KIFC2: variants seen among roughly 807,000 people sequenced by gnomAD.
KIFC2 encodes kinesin-like protein KIFC2.
KIFC2 carries 94 observed loss-of-function variants against 91.5 expected under a neutral mutation model. The observed-to-expected ratio is 1.03, with a 90% CI of 0.87 to 1.22. KIFC2 has a LOEUF of 1.22. Among genes scored for constraint, KIFC2 ranks in the 50% most tolerant of loss-of-function variants. The probability of loss-of-function intolerance (pLI) is 0.00; values close to 1 mark genes in which losing one functional copy is unlikely to be tolerated. For synonymous variants in KIFC2, 729 were observed against 503.9 expected (o/e 1.45, Z -5.98); for missense variants, 1,357 against 1,103.3 (o/e 1.23, Z -3.26).
Position 144,468,350 on chromosome 8 carries a change from G to A in KIFC2, c.832G>A (p.Glu278Lys). ...APQEEAEALL[E>K]LQGRLQEAQD... ...GCAGGAGGAGGCAGAGGCATTGCTA[G>A]AGCTCCAGGGCCGGCTTCAGGAGGC... The change falls in exon 8 of 18, where the codon GAG (glutamate) becomes AAG (lysine). Residue 278 changes from glutamate to lysine, a missense_variant. Transcript: ENST00000645548. 1 of 1,612,560 alleles carries A rather than the reference G, an allele frequency of 6.2e-7. No individual in the cohort carries two copies. The highest frequency in any genetic ancestry group is 8.5e-7 in the Non-Finnish European group (1 of 1,179,716).
rs866416910 is a variant in KIFC2 at position 144,473,155 on chromosome 8, C to T, written c.2142C>T (p.Leu714=). ...AGATCTCCACGCGGCCGGAGGATCT[C>T]GGGGAGACAGTCTGCTCCCTCAAGT... ...LLQISTRPED[L]GETVCSLKFA... The change falls in exon 18 of 18, where the codon CTC becomes CTT. Residue 714 remains leucine (L), a synonymous_variant. Transcript: ENST00000645548. 21 of 1,569,804 alleles carry T rather than the reference C, an allele frequency of 1.3e-5. No homozygotes were observed. Among genetic ancestry groups the T allele is most frequent in the Admixed American group, 1.8e-5 (1 of 54,162 alleles).
chr8:144,469,189 G>C (rs1824822998), intron 10 of KIFC2, 82 bp from the exon 11 acceptor site: 2 of 1,184,582 alleles, frequency 1.7e-6, no homozygotes, highest in Non-Finnish European at 2.4e-6. Context: ...GGGGCTCCCT[G>C]CTGCTCTCAG....
chr8:144,467,809 G>A (rs748702956), intron 6 of KIFC2, 30 bp downstream of exon 6: 2 of 1,613,444 alleles, frequency 1.2e-6, no homozygotes, highest in East Asian at 2.2e-5. Context: ...TGGCAGGGCC[G>A]GGCATGGAGG....
Position 144,473,289 on chromosome 8 carries a change from C to T in KIFC2, c.2276C>T (p.Thr759Ile), listed in dbSNP as rs759662417. The T allele has an allele frequency of 3.2e-5, 52 of 1,605,284 alleles. No individual in the cohort carries two copies. Among genetic ancestry groups the T allele is most frequent in the East Asian group, 4.5e-5 (2 of 44,496 alleles). The change falls in exon 18 of 18, where the codon ACC becomes ATC. Residue 759 changes from threonine to isoleucine, a missense_variant. Thr to Ile is a moderately conservative substitution (Grantham distance 89, BLOSUM62 -1). Coordinates refer to ENST00000645548, the MANE Select transcript of KIFC2 (RefSeq NM_001369769.2). ...AGCACCGACACTCCGCTCACCGGGA[C>T]CCCCTGCACCCCTACGCCGTCCCCT... ...SLSTDTPLTG[T>I]PCTPTPSPGS... is the part of the protein sequence containing the mutation.
intron 7 of KIFC2, 78 bp downstream of exon 7, chr8:144,468,065 C>A: frequency 6.9e-7 from 1 of 1,453,498 alleles, no homozygotes; most frequent in Non-Finnish European, 9.1e-7. Flanking sequence ...AGGGCCCGAG[C>A]CTCCTCAGGA....
At chr8:144,470,946 C>G (rs1174251300) in intron 12 of KIFC2, among the ~76,000 whole-genome samples, 1 of 152,188 alleles carries the variant, frequency 6.6e-6, no homozygotes, top group Non-Finnish European at 1.5e-5. Context: ...GCAGTCACGC[C>G]CCAACATCTG....
chr8:144,470,966 T>A lies in KIFC2; in HGVS notation c.1381-976T>A, dbSNP rs141354112. On this transcript the variant is annotated intron_variant, in intron 12 of 17. Transcript: ENST00000645548. ...CACGCCCCAACATCTGGGCTCTTTT[T>A]TTTTTCTTTATTTTTGAGATGGAAT... Among the ~76,000 whole-genome samples, 806 of 151,944 alleles carry A rather than the reference T, an allele frequency of 5.3e-3. 8 individuals carry two copies. Among genetic ancestry groups the A allele is most frequent in the African/African-American group, 0.019 (774 of 41,418 alleles).
At chr8:144,468,274 ATG>A (rs1824770478) in intron 7 of KIFC2, 53 bp from the exon 8 acceptor site, 12 of 1,485,726 alleles carry the variant, frequency 8.1e-6, no homozygotes. Context: ...CATCTGTGAA[ATG>A]GTACCACAGA....
Position 144,473,296 on chromosome 8 carries a change from C to A in KIFC2, c.2283C>A (p.Cys761Ter). Residue 761 changes from cysteine (C) to a stop codon, truncating the protein, a stop_gained, in exon 18 of 18, where the codon TGC (cysteine) becomes TGA (stop). Coordinates refer to ENST00000645548, the MANE Select transcript of KIFC2 (RefSeq NM_001369769.2). LOFTEE classifies it low-confidence loss of function (END_TRUNC). ...STDTPLTGTPCTPTPSPGSPP... is the reference protein window; with the variant it reads ...STDTPLTGTP ...ACACTCCGCTCACCGGGACCCCCTG[C>A]ACCCCTACGCCGTCCCCTGGCAGTC... The A allele has an allele frequency of 1.5e-5, 24 of 1,605,404 alleles. No homozygotes were observed. Among genetic ancestry groups the A allele is most frequent in the Non-Finnish European group, 2.0e-5 (24 of 1,177,102 alleles).
intron 12 of KIFC2, 25 bp downstream of exon 12, chr8:144,469,672 C>T (rs908324170): frequency 3.8e-6 from 6 of 1,561,822 alleles, no homozygotes; most frequent in East Asian, 2.2e-5. Flanking sequence ...TTGCAGCCAT[C>T]CTGACCCTTT....
chr8:144,469,606 C>A lies in KIFC2; in HGVS notation c.1339C>A (p.Arg447Ser), dbSNP rs748782569. 1.2e-6 allele frequency: 2 copies of A among 1,610,954 alleles called. No individual in the cohort carries two copies. Among genetic ancestry groups the A allele is most frequent in the Non-Finnish European group, 1.7e-6 (2 of 1,178,806 alleles). The change falls in exon 12 of 18, where the codon CGC becomes AGC. Residue 447 changes from arginine (R) to serine (S), a missense_variant. Arg to Ser is a moderately radical substitution (Grantham distance 110, BLOSUM62 -1). Coordinates refer to ENST00000645548, the MANE Select transcript of KIFC2 (RefSeq NM_001369769.2). The stretch of plus-strand genomic sequence containing the variant: ...CTACCGGGGGCGCCATCGTCGATTC[C>A]GCCTAGACTGGGTCTTCCCTCCAGA... ...TCYRGRHRRFRLDWVFPPDAS... is the reference protein window; with the variant it reads ...TCYRGRHRRFSLDWVFPPDAS...
Position 144,467,046 on chromosome 8 carries a change from C to T in KIFC2, c.266C>T (p.Ala89Val), listed in dbSNP as rs1205240190. 1.9e-6 allele frequency: 3 copies of T among 1,593,946 alleles called. No individual in the cohort carries two copies. The highest frequency in any genetic ancestry group is 2.3e-5 in the East Asian group (1 of 44,408). The change falls in exon 3 of 18, where the codon GCC becomes GTC. Residue 89 changes from alanine to valine, a missense_variant. Physicochemically the swap from Ala to Val is moderately conservative, Grantham distance 64. Coordinates refer to ENST00000645548, the MANE Select transcript of KIFC2 (RefSeq NM_001369769.2). ...VSLEEALLRL[A>V]EFLSVQLGAE... ...CTGGAAGAGGCCCTACTGCGCCTCG[C>T]CGAGTTCCTCTCCGTCCAGCTGGGG...
In KIFC2 at chr8:144,468,756, G is replaced by C. The variant is rs1239255532; in HGVS notation, c.1035G>C (p.Gln345His). ...GLRARMASLR[Q>H]GCGDLRGLVS... Reference sequence around the variant, plus strand: ...GGGCACGGATGGCCAGCCTGCGTCAGGGCTGCGGGGACCTCCGAGGTTTGG... The same window carrying C: ...GGGCACGGATGGCCAGCCTGCGTCACGGCTGCGGGGACCTCCGAGGTTTGG... The change falls in exon 10 of 18, where the codon CAG becomes CAC. Residue 345 changes from glutamine to histidine, a missense_variant. Physicochemically the swap from Gln to His is conservative, Grantham distance 24. Transcript: ENST00000645548. 6.2e-7 allele frequency: 1 copy of C among 1,614,086 alleles called. No individual in the cohort carries two copies.
chr8:144,467,181 C>T (rs200941622), intron 3 of KIFC2, 22 bp from the exon 4 acceptor site: 299 of 1,613,254 alleles, frequency 1.9e-4, no homozygotes, highest in Non-Finnish European at 2.5e-4. Context: ...CAGCCCTGCT[C>T]GGATTCTTGT....
At chr8:144,466,243 C>T (rs1824630818), upstream of KIFC2, 1 of 196,668 alleles carries the variant, frequency 5.1e-6, no homozygotes, top group East Asian at 1.3e-4. Context: ...CCAGGTGCGG[C>T]CGCGGGCACC....
At position 144,469,349 on chromosome 8, in the gene KIFC2, G is replaced by T; in HGVS notation, c.1192G>T (p.Gly398Ter). 6.2e-7 allele frequency: 1 copy of T among 1,609,298 alleles called. No individual in the cohort carries two copies. ...TGAGGGGCAGCAAGGGCCCCCAGCC[G>T]GATGCCCAGGGCGGCTGCCAGAACT... ...LPEGQQGPPAGCPGRLPELKG... is the reference protein window; with the variant it reads ...LPEGQQGPPA Residue 398 changes from glycine (G) to a stop codon, truncating the protein, a stop_gained, in exon 11 of 18, where the codon GGA becomes TGA. Transcript: ENST00000645548. LOFTEE classifies it high-confidence loss of function.
Position 144,469,614 on chromosome 8 carries a change from C to T in KIFC2, c.1347C>T (p.Asp449=), listed in dbSNP as rs1233753585. 1.2e-6 allele frequency: 2 copies of T among 1,609,128 alleles called. No homozygotes were observed. The highest frequency in any genetic ancestry group is 1.1e-5 in the South Asian group (1 of 90,570). The change falls in exon 12 of 18, where the codon GAC becomes GAT. Residue 449 remains aspartate (D), a synonymous_variant. Transcript: ENST00000645548. ...GGCGCCATCGTCGATTCCGCCTAGA[C>T]TGGGTCTTCCCTCCAGACGCCAGCC... ...YRGRHRRFRL[D]WVFPPDASQE... is the part of the protein sequence containing the mutation.
chr8:144,468,272 A>G, intron 7 of KIFC2, 57 bp from the exon 8 acceptor site: 1 of 1,471,744 alleles, frequency 6.8e-7, no homozygotes. Context: ...CCCATCTGTG[A>G]AATGGTACCA....
chr8:144,472,191 G>C lies in KIFC2; in HGVS notation c.1539G>C (p.Arg513=). The C allele has an allele frequency of 6.2e-7, 1 of 1,613,356 alleles. No homozygotes were observed. The highest frequency in any genetic ancestry group is 8.5e-7 in the Non-Finnish European group (1 of 1,180,012). The part of the protein sequence containing the change: ...IVPRALQSLF[R]EMGAGRQHRV... ...CTAGGGCGCTGCAGTCGCTGTTCCG[G>C]GAGATGGGGGCCGGCCGGCAGCACC... is the stretch of plus-strand genomic sequence containing the variant. The change falls in exon 14 of 18, where the codon CGG becomes CGC. Residue 513 remains arginine, a synonymous_variant. Coordinates refer to ENST00000645548, the MANE Select transcript of KIFC2 (RefSeq NM_001369769.2).
Sources: gnomAD v4.1 joint callset for allele counts (sites outside exome capture counted in the v4.1 genomes callset) on GRCh38, gnomAD v4.1.1 for gene constraint, MANE v1.5 for transcripts, NCBI Gene and HGNC (gene_info 2026-07-23, HGNC 2026-07-21) for gene names.